Variants in HMGCLL1 observed in about 807,000 individuals in gnomAD.
HMGCLL1 encodes 3-hydroxy-3-methylglutaryl-CoA lyase like 1, also known as 3-hydroxymethyl-3-methylglutaryl-CoA lyase, cytoplasmic.
A neutral mutation model predicts 39.1 loss-of-function variants in HMGCLL1; 36 were observed. The observed-to-expected ratio is 0.92, with a 90% CI of 0.71 to 1.22. The LOEUF (loss-of-function observed/expected upper bound fraction) is 1.22. Among genes scored for constraint, HMGCLL1 ranks in the 50% most tolerant of loss-of-function variants. The probability of loss-of-function intolerance (pLI) is 0.00; values close to 1 mark genes in which losing one functional copy is unlikely to be tolerated. For synonymous variants in HMGCLL1, 149 were observed against 144.0 expected, an observed-to-expected ratio of 1.03 and a Z score of -0.25; for missense variants, 451 against 416.5, an observed-to-expected ratio of 1.08 and a Z score of -0.72.
chr6:55,599,593 C>T, the HMGCLL1 span, among the ~76,000 whole-genome samples: 3 of 151,944 alleles, frequency 2.0e-5, no homozygotes, highest in Non-Finnish European at 4.4e-5. Flanking sequence ...TGAAATCTAC[C>T]GCAATTAAAG....
intron 7 of HMGCLL1, among the ~76,000 whole-genome samples, chr6:55,455,606 T>C (rs528576875): frequency 2.6e-5 from 4 of 152,306 alleles, no homozygotes; most frequent in South Asian, 4.1e-4. Flanking sequence ...TGTAGTTGCA[T>C]AGTTCAAGAT....
chr6:55,646,280 T>C, the HMGCLL1 span, among the ~76,000 whole-genome samples: 1 of 151,752 alleles, frequency 6.6e-6, no homozygotes, highest in Non-Finnish European at 1.5e-5. Flanking sequence ...TGGGTCTTCT[T>C]TTTTCTTTCT....
At position 55,486,553 on chromosome 6, in the gene HMGCLL1, A is replaced by G. The variant is rs555249356; in HGVS notation, c.795+8866T>C. Among the ~76,000 whole-genome samples the G allele has an allele frequency of 3.3e-4, 50 of 152,180 alleles. 1 individual carries two copies. Among genetic ancestry groups the G allele is most frequent in the Admixed American group, 3.1e-3 (47 of 15,236 alleles). Reference sequence around the variant, plus strand: ...TCTCATAAAGCTGGCAATGCCTTGGAAAGATCAATATTTTAATGACATCCA... The same window carrying G: ...TCTCATAAAGCTGGCAATGCCTTGGGAAGATCAATATTTTAATGACATCCA... On this transcript the variant is annotated intron_variant, in intron 7 of 8. Coordinates refer to ENST00000274901, the MANE Select transcript of HMGCLL1 (RefSeq NM_001042406.2).
chr6:55,522,353 T>A (rs562350982), intron 3 of HMGCLL1, among the ~76,000 whole-genome samples: 1 of 152,116 alleles, frequency 6.6e-6, no homozygotes, highest in Admixed American at 6.6e-5. Flanking sequence ...CCCACAAAAT[T>A]AAAGGTAAAA....
the HMGCLL1 span, among the ~76,000 whole-genome samples, chr6:55,602,636 A>C: frequency 1.3e-5 from 2 of 151,954 alleles, no homozygotes; most frequent in Non-Finnish European, 2.9e-5. Context: ...TTTCTGTGTT[A>C]CATTCTTTGG....
intron 7 of HMGCLL1, among the ~76,000 whole-genome samples, chr6:55,449,349 A>G (rs1054849108): frequency 6.6e-6 from 1 of 152,222 alleles, no homozygotes; most frequent in African/African-American, 2.4e-5. Flanking sequence ...TTCTTCTTTA[A>G]TAGCCAAACG....
At chr6:55,615,280 A>G in the HMGCLL1 span, among the ~76,000 whole-genome samples, 1 of 152,148 alleles carries the variant, frequency 6.6e-6, no homozygotes, top group Non-Finnish European at 1.5e-5. Context: ...AGGAAAAAAA[A>G]GAAAGGAAAT....
At chr6:55,579,335 T>A (rs1771929271), upstream of HMGCLL1, 19 of 516,268 alleles carry the variant, frequency 3.7e-5, no homozygotes, top group South Asian at 4.2e-4. Context: ...CCAGAGGATG[T>A]CCAGGGGTGT....
At chr6:55,543,594 A>T (rs1358986263) in intron 1 of HMGCLL1, among the ~76,000 whole-genome samples, 24 of 75,676 alleles carry the variant, frequency 3.2e-4, no homozygotes, top group Non-Finnish European at 5.3e-4. Context: ...TTATATATAT[A>T]TATTTTTTTG....
the HMGCLL1 span, among the ~76,000 whole-genome samples, chr6:55,671,205 A>G: frequency 6.6e-6 from 1 of 151,914 alleles, no homozygotes; most frequent in East Asian, 1.9e-4. Context: ...TGAATATGTT[A>G]CGTTTCTTGG....
intron 1 of HMGCLL1, among the ~76,000 whole-genome samples, chr6:55,561,610 T>C (rs1770951653): frequency 6.6e-6 from 1 of 152,094 alleles, no homozygotes; most frequent in South Asian, 2.1e-4. Flanking sequence ...TTGAAAACCA[T>C]AGCTCTCACT....
At chr6:55,649,589 T>C in the HMGCLL1 span, among the ~76,000 whole-genome samples, 5 of 152,012 alleles carry the variant, frequency 3.3e-5, no homozygotes, top group Non-Finnish European at 7.4e-5. Flanking sequence ...CTGGCTGTTC[T>C]ATAATCTTCT....
At chr6:55,602,496 G>A in the HMGCLL1 span, among the ~76,000 whole-genome samples, 1 of 151,856 alleles carries the variant, frequency 6.6e-6, no homozygotes, top group African/African-American at 2.4e-5. Context: ...TAAGTATGTA[G>A]GTGGGACTAA....
At chr6:55,643,420 T>G in the HMGCLL1 span, among the ~76,000 whole-genome samples, 1 of 152,080 alleles carries the variant, frequency 6.6e-6, no homozygotes, top group African/African-American at 2.4e-5. Flanking sequence ...TCATTGGTAT[T>G]TTGATAGACA....
chr6:55,535,598 T>C (rs939198767), intron 3 of HMGCLL1, among the ~76,000 whole-genome samples: 3 of 152,136 alleles, frequency 2.0e-5, no homozygotes, highest in Non-Finnish European at 2.9e-5. Flanking sequence ...TAATTTGGTT[T>C]AAGTCTCCCT....
intron 5 of HMGCLL1, chr6:55,512,925 T>C (rs1339746385): frequency 6.6e-6 from 1 of 152,126 alleles, no homozygotes; most frequent in Non-Finnish European, 1.5e-5. Flanking sequence ...AGCTAATGTC[T>C]TAGAAACAAA....
chr6:55,585,014 C>T, the HMGCLL1 span, among the ~76,000 whole-genome samples: 1 of 151,810 alleles, frequency 6.6e-6, no homozygotes, highest in African/African-American at 2.4e-5. Flanking sequence ...GATAACTTCT[C>T]ACATATGTTA....
At chr6:55,637,097 C>T in the HMGCLL1 span, among the ~76,000 whole-genome samples, 4 of 152,198 alleles carry the variant, frequency 2.6e-5, no homozygotes, top group South Asian at 2.1e-4. Flanking sequence ...CTTCTATTTT[C>T]GAAATACCTT....
chr6:55,466,278 G>A (rs182285999), intron 7 of HMGCLL1, among the ~76,000 whole-genome samples: 2,206 of 151,900 alleles, frequency 0.015, 33 homozygotes, highest in Non-Finnish European at 0.025. Context: ...ATGAACCTGA[G>A]AGCAGTAGTA....
Sources: allele counts gnomAD v4.1 joint callset (sites outside exome capture counted in the v4.1 genomes callset), GRCh38; gene constraint gnomAD v4.1.1; transcripts MANE v1.5; gene names NCBI Gene and HGNC (gene_info 2026-07-23, HGNC 2026-07-21).